The following ALG1L2 variants were observed in gnomAD, a reference collection of about 807,000 sequenced individuals.
ALG1L2 encodes the protein putative glycosyltransferase ALG1L2.
Under a neutral mutation model 29.0 loss-of-function variants are expected in ALG1L2, and 32 were observed. The ratio of observed to expected loss-of-function variants is 1.10; its 90% confidence interval spans 0.83 to 1.48. The LOEUF is 1.48. Among genes scored for constraint, ALG1L2 ranks in the 40% most tolerant of loss-of-function variants. ALG1L2 has a pLI of 0.00. For synonymous variants in ALG1L2, 110 were observed against 109.5 expected (o/e 1.00, Z -0.03); for missense variants, 318 against 274.1 (o/e 1.16, Z -1.13).
chr3:130,091,215 C>T (rs1440413758), intron 1 of ALG1L2, 46 bp from the exon 2 acceptor site: 1 of 1,568,470 alleles, frequency 6.4e-7, no homozygotes, highest in Admixed American at 1.7e-5. Context: ...AGAAAGTAGC[C>T]TCCATGCTGG....
At chr3:130,092,782 G>C (rs1347122472) in intron 3 of ALG1L2, among the ~76,000 whole-genome samples, 1 of 152,152 alleles carries the variant, frequency 6.6e-6, no homozygotes, top group Non-Finnish European at 1.5e-5. Flanking sequence ...TGTAATCCTA[G>C]AACTCTGGGA....
At chr3:130,091,655 T>C in intron 2 of ALG1L2, 1 of 545,598 alleles carries the variant, frequency 1.8e-6, no homozygotes, top group East Asian at 3.3e-5. Flanking sequence ...CTTTAAGGAA[T>C]GTTAAAGGGT....
At chr3:130,093,219 C>T (rs1156429670) in intron 4 of ALG1L2, 59 bp downstream of exon 4, 22 of 1,559,758 alleles carry the variant, frequency 1.4e-5, no homozygotes, top group East Asian at 1.1e-4. Context: ...GGGAGGGGCA[C>T]ACAGCCTTTA....
intron 3 of ALG1L2, among the ~76,000 whole-genome samples, chr3:130,092,619 A>C (rs1364729951): frequency 6.6e-6 from 1 of 152,200 alleles, no homozygotes; most frequent in Non-Finnish European, 1.5e-5. Context: ...TTGAGTGACC[A>C]GGCCCTCAGG....
chr3:130,086,246 T>C (rs1203696103), intron 1 of ALG1L2, among the ~76,000 whole-genome samples: 6 of 151,112 alleles, frequency 4.0e-5, no homozygotes, highest in Admixed American at 6.6e-5. Context: ...CACTTTGAAG[T>C]AGGAAGCATC....
intron 5 of ALG1L2, among the ~76,000 whole-genome samples, chr3:130,095,713 A>G (rs983602383): frequency 7.2e-5 from 11 of 151,896 alleles, no homozygotes; most frequent in African/African-American, 2.7e-4. Context: ...AAATGCTGGG[A>G]TTACAGGTGG....
chr3:130,086,227 G>A (rs566765864), intron 1 of ALG1L2, among the ~76,000 whole-genome samples: 49 of 151,308 alleles, frequency 3.2e-4, no homozygotes, highest in African/African-American at 1.2e-3. Flanking sequence ...CAGCTGACAG[G>A]CGCTAGCGCA....
At chr3:130,091,753 G>A in intron 2 of ALG1L2, 1 of 591,392 alleles carries the variant, frequency 1.7e-6, no homozygotes, top group East Asian at 3.7e-5. Context: ...GCTAAGGAAG[G>A]GAACTTTGTG....
chr3:130,097,001 C>G (rs1429956446), intron 6 of ALG1L2, among the ~76,000 whole-genome samples, 174 bp from the exon 7 acceptor site: 7 of 151,786 alleles, frequency 4.6e-5, no homozygotes, highest in Non-Finnish European at 1.0e-4. Flanking sequence ...GCACCCCCCC[C>G]AGGCTTTTAT....
chr3:130,092,142 C>T lies in ALG1L2; in HGVS notation c.173C>T (p.Thr58Met), dbSNP rs142052214. The change falls in exon 3 of 8, where the codon ACG (threonine) becomes ATG (methionine). Residue 58 changes from threonine (T) to methionine (M), a missense_variant. By Grantham distance (81) the Thr-to-Met change is moderately conservative (BLOSUM62 -1). Transcript: ENST00000425059. ...CCAGACACAGAGCGGTCGGCCTTCACGGAGCGGGATTCTGGGAGCGGGCTG... is the reference window on the plus strand; with the variant it reads ...CCAGACACAGAGCGGTCGGCCTTCATGGAGCGGGATTCTGGGAGCGGGCTG... ...EDPDTERSAF[T>M]ERDSGSGLVT... 1.6e-4 allele frequency: 262 copies of T among 1,613,592 alleles called. No homozygotes were observed. Among genetic ancestry groups the T allele is most frequent in the African/African-American group, 1.5e-3 (109 of 75,036 alleles).
At chr3:130,091,122 T>A (rs1935003295) in intron 1 of ALG1L2, 139 bp from the exon 2 acceptor site, 1 of 798,534 alleles carries the variant, frequency 1.3e-6, no homozygotes, top group South Asian at 1.8e-5. Flanking sequence ...GGGAAATTTC[T>A]GGAAACCAGG....
In ALG1L2 at chr3:130,094,187, G is replaced by T. The variant is rs140998121; in HGVS notation, c.314-216G>T. 2,012 of 593,658 alleles carry T rather than the reference G, an allele frequency of 3.4e-3. 6 individuals carry two copies. The highest frequency in any genetic ancestry group is 5.0e-3 in the Non-Finnish European group (1,695 of 335,952). The allele number at this position is 593,658 out of a possible 1,614,324, so 36.8% of individuals were successfully genotyped here. A position where few individuals can be genotyped will look rare whatever the true frequency, so the allele number is the denominator to read the frequency against. ...AGCCCGAGGCCAGCTGGTTGCAGGTGCAGGGCTATGCATCAGGGGTCAGGG... is the reference window on the plus strand; with the variant it reads ...AGCCCGAGGCCAGCTGGTTGCAGGTTCAGGGCTATGCATCAGGGGTCAGGG... On this transcript the variant is annotated intron_variant, in intron 4 of 7. Coordinates refer to ENST00000425059, the MANE Select transcript of ALG1L2 (RefSeq NM_001136152.1).
chr3:130,091,324 C>G lies in ALG1L2; in HGVS notation c.84C>G (p.His28Gln), dbSNP rs745897990. ...FFKEAPLDLQ[H>Q]RLFMKLGSTH... Reference sequence around the variant, plus strand: ...AAGAGGCACCTCTGGACCTGCAGCACCGGCTCTTCATGAAGCTGGGCAGCA... The same window carrying G: ...AAGAGGCACCTCTGGACCTGCAGCAGCGGCTCTTCATGAAGCTGGGCAGCA... The change falls in exon 2 of 8, where the codon CAC becomes CAG. Residue 28 changes from histidine to glutamine, a missense_variant. Coordinates refer to ENST00000425059, the MANE Select transcript of ALG1L2 (RefSeq NM_001136152.1). 1.3e-6 allele frequency: 2 copies of G among 1,598,014 alleles called. No individual in the cohort carries two copies. Among genetic ancestry groups the G allele is most frequent in the African/African-American group, 1.3e-5 (1 of 74,860 alleles).
At chr3:130,094,191 G>A (rs1372174039) in intron 4 of ALG1L2, 14 of 603,784 alleles carry the variant, frequency 2.3e-5, no homozygotes, top group Non-Finnish European at 3.8e-5. Flanking sequence ...GCAGGTGCAG[G>A]GCTATGCATC....
chr3:130,085,650 G>A (rs1349096965), intron 1 of ALG1L2, among the ~76,000 whole-genome samples: 50 of 151,750 alleles, frequency 3.3e-4, no homozygotes, highest in African/African-American at 1.2e-3. Context: ...ACATTTTGAG[G>A]TACTGGGGGT....
rs181036296 is a variant in ALG1L2, at chr3:130,084,709, G to T, written c.20+2673G>T. Among the ~76,000 whole-genome samples, 159 of 127,168 alleles carry T rather than the reference G, an allele frequency of 1.3e-3. 26 individuals carry two copies. The highest frequency in any genetic ancestry group is 3.4e-3 in the African/African-American group (131 of 38,052). The allele number at this position is 127,168 out of a possible 152,430, so 83.4% of individuals were successfully genotyped here. On this transcript the variant is annotated intron_variant, in intron 1 of 7. Transcript: ENST00000425059. ...ATCGTCTTACACCTGCAGGCCAGAG[G>T]GCTGAGATGAAGGGATTGTCAGGGC...
At position 130,088,646 on chromosome 3, in the gene ALG1L2, G is replaced by A. The variant is rs141700329; in HGVS notation, c.21-2615G>A. On this transcript the variant is annotated intron_variant, in intron 1 of 7. Transcript: ENST00000425059. The stretch of plus-strand genomic sequence containing the variant: ...TTGGCCAGGCTGGTCTCAAACTCCC[G>A]ATCTCAGGTGATCCACGCACCTTGG... Among the ~76,000 whole-genome samples, 1,055 of 152,374 alleles carry A rather than the reference G, an allele frequency of 6.9e-3. 2 individuals carry two copies. The highest frequency in any genetic ancestry group is 0.024 in the African/African-American group (992 of 41,584).
intron 1 of ALG1L2, among the ~76,000 whole-genome samples, chr3:130,087,583 AG>A (rs1934919079): frequency 7.0e-6 from 1 of 142,382 alleles, no homozygotes; most frequent in South Asian, 2.2e-4. Flanking sequence ...CTTGTTATTA[AG>A]GAATACACAG....
chr3:130,094,147 C>A (rs2108122653), intron 4 of ALG1L2: 1 of 523,244 alleles, frequency 1.9e-6, no homozygotes, highest in Non-Finnish European at 3.5e-6. Context: ...CCAGTGCTTA[C>A]CCCGCCTTGT....
Sources: gnomAD v4.1 joint callset for allele counts (sites outside exome capture counted in the v4.1 genomes callset) on GRCh38, gnomAD v4.1.1 for gene constraint, MANE v1.5 for transcripts, NCBI Gene and HGNC (gene_info 2026-07-23, HGNC 2026-07-21) for gene names.